Variants in ASAH2 observed in about 807,000 individuals in gnomAD.
The protein encoded by ASAH2 is N-acylsphingosine amidohydrolase 2.
ASAH2 carries 58 observed loss-of-function variants against 82.9 expected under a neutral mutation model. That is an observed-to-expected ratio of 0.70 (90% CI 0.57 to 0.87). The LOEUF is 0.87. ASAH2 is among the 40% of genes least tolerant of loss of function. The pLI is 0.00. For missense variants in ASAH2, 779 were observed against 834.0 expected, an observed-to-expected ratio of 0.93 and a Z score of 0.81; for synonymous variants, 276 against 289.7, an observed-to-expected ratio of 0.95 and a Z score of 0.48.
intron 18 of ASAH2, among the ~76,000 whole-genome samples, chr10:50,196,232 T>C (rs1198886850): frequency 5.9e-5 from 9 of 151,816 alleles, no homozygotes; most frequent in Admixed American, 3.3e-4. Flanking sequence ...TTGAAGGTTC[T>C]AGCCAGTCCG....
At position 50,245,397 on chromosome 10, in the gene ASAH2, G is replaced by A; in HGVS notation, c.185C>T (p.Thr62Ile). 2.5e-6 allele frequency: 4 copies of A among 1,613,986 alleles called. No homozygotes were observed. The highest frequency in any genetic ancestry group is 3.4e-6 in the Non-Finnish European group (4 of 1,179,964). ...GGTGGCTGTGGAGCGTTGGGCAGCT[G>A]TGGAGCCCTGGGTGGCTGGAGGGCT... The part of the protein sequence containing the change: ...TQSPPATQGS[T>I]AAQRSTATQH... The change falls in exon 3 of 21, where the codon ACA becomes ATA. Residue 62 changes from threonine (T) to isoleucine (I), a missense_variant. Physicochemically the swap from Thr to Ile is moderately conservative, Grantham distance 89. This residue lies in a region of ASAH2 where 759 missense variants were observed against 755.2 expected (regional missense o/e 1.00). Transcript: ENST00000682911.
chr10:50,234,382 C>A, intron 6 of ASAH2, 43 bp downstream of exon 6: 1 of 1,612,368 alleles, frequency 6.2e-7, no homozygotes, highest in Non-Finnish European at 8.5e-7. Flanking sequence ...TTGCTGTTCC[C>A]TAAAGGGAAT....
chr10:50,226,715 T>C (rs1244722229), intron 7 of ASAH2, among the ~76,000 whole-genome samples: 1 of 152,020 alleles, frequency 6.6e-6, no homozygotes, highest in East Asian at 1.9e-4. Context: ...AAAAATATAG[T>C]TTATTAATTA....
chr10:50,200,929 T>G (rs541126042), intron 16 of ASAH2, among the ~76,000 whole-genome samples: 2 of 152,114 alleles, frequency 1.3e-5, no homozygotes, highest in African/African-American at 4.8e-5. Flanking sequence ...CAACCAAACA[T>G]TCCTGTTTTG....
intron 7 of ASAH2, among the ~76,000 whole-genome samples, chr10:50,220,639 G>T (rs1192439385): frequency 6.6e-6 from 1 of 152,018 alleles, no homozygotes; most frequent in African/African-American, 2.4e-5. Context: ...GGTGGAAGGA[G>T]GGAGAAGATT....
At chr10:50,244,772 T>C (rs1030933667) in intron 3 of ASAH2, among the ~76,000 whole-genome samples, 2 of 152,222 alleles carry the variant, frequency 1.3e-5, no homozygotes, top group African/African-American at 4.8e-5. Flanking sequence ...AACTGCAAGA[T>C]AGGGCAGCCC....
At chr10:50,204,558 C>A (rs1324784195) in intron 14 of ASAH2, among the ~76,000 whole-genome samples, 1 of 151,928 alleles carries the variant, frequency 6.6e-6, no homozygotes, top group African/African-American at 2.4e-5. Flanking sequence ...ATTTCAAGTA[C>A]CTGTATTTTA....
chr10:50,233,037 C>T (rs1846057434), intron 7 of ASAH2, 147 bp downstream of exon 7: 3 of 737,996 alleles, frequency 4.1e-6, no homozygotes, highest in South Asian at 3.0e-5. Flanking sequence ...CTTGGCTGGA[C>T]CCCAGTTGTG....
At chr10:50,217,558 G>A (rs1467729387) in intron 8 of ASAH2, among the ~76,000 whole-genome samples, 1 of 152,096 alleles carries the variant, frequency 6.6e-6, no homozygotes, top group Non-Finnish European at 1.5e-5. Flanking sequence ...GAATATTTAT[G>A]TGCAATATTC....
At chr10:50,249,587 G>A (rs969464033) in intron 1 of ASAH2, among the ~76,000 whole-genome samples, 1 of 152,088 alleles carries the variant, frequency 6.6e-6, no homozygotes, top group Admixed American at 6.5e-5. Context: ...TCTATAAATA[G>A]GAATATGATT....
rs1293984533 is a variant in ASAH2, at chr10:50,245,366, ATGCTGGG to A, written c.209_215del (p.Thr70IlefsTer18). On this transcript the variant is annotated frameshift_variant, in exon 3 of 21. Coordinates refer to ENST00000682911, the MANE Select transcript of ASAH2 (RefSeq NM_019893.4). LOFTEE classifies it high-confidence loss of function. Reference sequence around the variant, plus strand: ...CTGTGGAGCTCTGGGTGGCTGTGGAATGCTGGGTGGCTGTGGAGCGTTGGGCAGCTGT... The same window carrying A: ...CTGTGGAGCTCTGGGTGGCTGTGGAATGGCTGTGGAGCGTTGGGCAGCTGT... 6.2e-7 allele frequency: 1 copy of A among 1,613,530 alleles called. No individual in the cohort carries two copies. Among genetic ancestry groups the A allele is most frequent in the Non-Finnish European group, 8.5e-7 (1 of 1,179,796 alleles).
Position 50,187,895 on chromosome 10 carries a change from GTA to G in ASAH2, c.2154-393_2154-392del, listed in dbSNP as rs1316750665. Among the ~76,000 whole-genome samples, 134 of 18,738 alleles carry G rather than the reference GTA, an allele frequency of 7.2e-3. 38 individuals are homozygous for G. The highest frequency in any genetic ancestry group is 0.011 in the Admixed American group (9 of 794). 12.3% of individuals were successfully genotyped at this position (18,738 alleles called of 152,430 possible). ...GTTTTCTATATATATATGTGTGTGT[GTA>G]TATATATATATATATGTATATATAT... On this transcript the variant is annotated intron_variant, in intron 20 of 20. Transcript: ENST00000682911.
At chr10:50,247,487 T>C (rs747855669) in intron 2 of ASAH2, among the ~76,000 whole-genome samples, 1 of 152,014 alleles carries the variant, frequency 6.6e-6, no homozygotes, top group Non-Finnish European at 1.5e-5. Flanking sequence ...TTCTTAATGA[T>C]CCTTTCACTT....
intron 16 of ASAH2, among the ~76,000 whole-genome samples, chr10:50,200,625 C>T (rs1845120685): frequency 6.6e-6 from 1 of 151,960 alleles, no homozygotes; most frequent in African/African-American, 2.4e-5. Context: ...GAAATGTAAT[C>T]ATCTGTTCTT....
chr10:50,238,117 A>C (rs1486753272), intron 4 of ASAH2, among the ~76,000 whole-genome samples: 1 of 152,166 alleles, frequency 6.6e-6, no homozygotes, highest in Non-Finnish European at 1.5e-5. Flanking sequence ...AAAACTCCTC[A>C]TCATGATCAA....
At chr10:50,204,790 T>G (rs1420291611) in intron 14 of ASAH2, 71 bp downstream of exon 14, 4 of 1,183,724 alleles carry the variant, frequency 3.4e-6, no homozygotes, top group Non-Finnish European at 4.9e-6. Context: ...GATCTTTTCA[T>G]GATAAGAAGC....
intron 16 of ASAH2, among the ~76,000 whole-genome samples, 187 bp downstream of exon 16, chr10:50,202,642 A>C (rs1845182721): frequency 6.6e-6 from 1 of 152,090 alleles, no homozygotes; most frequent in African/African-American, 2.4e-5. Context: ...TCTGACCTGG[A>C]CTTAAAATGA....
At chr10:50,199,663 A>G (rs1248873249) in intron 16 of ASAH2, among the ~76,000 whole-genome samples, 3 of 146,356 alleles carry the variant, frequency 2.0e-5, no homozygotes, top group Admixed American at 6.8e-5. Context: ...TCTAAAACCA[A>G]CCTCACCACT....
chr10:50,251,411 A>G lies in ASAH2; in HGVS notation c.-53T>C, dbSNP rs1846610140. On this transcript the variant is annotated 5_prime_UTR_variant, in exon 1 of 21. Coordinates refer to ENST00000682911, the MANE Select transcript of ASAH2 (RefSeq NM_019893.4). Reference sequence around the variant, plus strand: ...TGTCCTTACCTGATTCTAGTACTCAAAAGAGGTTTTGCATCCCAGTGAAGC... The same window carrying G: ...TGTCCTTACCTGATTCTAGTACTCAGAAGAGGTTTTGCATCCCAGTGAAGC... Among the ~76,000 whole-genome samples, 2 of 152,160 alleles carry G rather than the reference A, an allele frequency of 1.3e-5. No homozygotes were observed. Among genetic ancestry groups the G allele is most frequent in the South Asian group, 4.1e-4 (2 of 4,824 alleles).
Sources: gnomAD v4.1 joint callset for allele counts (sites outside exome capture counted in the v4.1 genomes callset) on GRCh38, gnomAD v4.1.1 for gene constraint, gnomAD v4.1.1 regional missense constraint, MANE v1.5 for transcripts, NCBI Gene and HGNC (gene_info 2026-07-23, HGNC 2026-07-21) for gene names.